KRR1: variants seen among roughly 807,000 people sequenced by gnomAD.
KRR1 encodes the protein KRR1 small subunit processome component homolog.
In KRR1, 23 loss-of-function variants were observed where a neutral mutation model predicts 50.0. The observed-to-expected ratio is 0.46, with a 90% confidence interval of 0.33 to 0.65. The LOEUF is 0.65. Among genes scored for constraint, KRR1 ranks in the 30% least tolerant of loss-of-function variants. KRR1 has a pLI of 0.02. For missense variants in KRR1, 419 were observed against 442.4 expected (o/e 0.95, Z 0.47); for synonymous variants, 133 against 146.3 (o/e 0.91, Z 0.66).
At position 75,491,292 on chromosome 12, in the gene KRR1, AT is replaced by A. The variant is rs1258712244; in HGVS notation, c.*8516del. On this transcript the variant is annotated 3_prime_UTR_variant, in exon 10 of 10. Transcript: ENST00000229214. ...TCCTATTACTACCCCTGTTTGGCAA[AT>A]GAGAACAGCAAGGCACACACGGGTC... is the stretch of plus-strand genomic sequence containing the variant. 5 of 152,208 alleles carry A rather than the reference AT, an allele frequency of 3.3e-5. No homozygotes were observed. Among genetic ancestry groups the A allele is most frequent in the African/African-American group, 1.2e-4 (5 of 41,456 alleles). 9.4% of individuals were successfully genotyped at this position (152,208 alleles called of 1,614,324 possible).
Position 75,499,870 on chromosome 12 carries a change from G to C in KRR1, c.1085C>G (p.Thr362Arg), listed in dbSNP as rs760760484. 6.2e-6 allele frequency: 10 copies of C among 1,608,690 alleles called. No homozygotes were observed. Among genetic ancestry groups the C allele is most frequent in the Non-Finnish European group, 1.7e-6 (2 of 1,177,648 alleles). Residue 362 changes from threonine to arginine, a missense_variant, in exon 10 of 10, where the codon ACA becomes AGA. By Grantham distance (71) the Thr-to-Arg change is moderately conservative. Transcript: ENST00000229214. ...KAKNKKLGALTAEEIALKMEA... is the reference protein window; with the variant it reads ...KAKNKKLGALRAEEIALKMEA... ...CATCTTAAGTGCAATTTCTTCAGCT[G>C]TAAGAGCTCCCAGTTTCTTATTCTT... is the stretch of plus-strand genomic sequence containing the variant.
Position 75,498,358 on chromosome 12 carries a change from T to G in KRR1, c.*1451A>C. The G allele has an allele frequency of 5.5e-6, 1 of 180,424 alleles. No individual in the cohort carries two copies. Among genetic ancestry groups the G allele is most frequent in the Non-Finnish European group, 1.1e-5 (1 of 87,078 alleles). 11.2% of individuals were successfully genotyped at this position (180,424 alleles called of 1,614,324 possible). On this transcript the variant is annotated 3_prime_UTR_variant, in exon 10 of 10. Coordinates refer to ENST00000229214, the MANE Select transcript of KRR1 (RefSeq NM_007043.7). Reference sequence around the variant, plus strand: ...TCAGGAAGAAACTTATTTTTAGAACTATATTTTAATAAATTTCTCACATTC... The same window carrying G: ...TCAGGAAGAAACTTATTTTTAGAACGATATTTTAATAAATTTCTCACATTC...
chr12:75,492,110 AG>A lies in KRR1; in HGVS notation c.*7698del, dbSNP rs1335519614. On this transcript the variant is annotated 3_prime_UTR_variant, in exon 10 of 10. Coordinates refer to ENST00000229214, the MANE Select transcript of KRR1 (RefSeq NM_007043.7). The stretch of plus-strand genomic sequence containing the variant: ...TGACTTTTTTTTTTTTTTTTGAGAC[AG>A]GGTCTCTCACTCTGTCACCCAGGCT... 1.4e-5 allele frequency: 2 copies of A among 147,358 alleles called. No individual in the cohort carries two copies. Among genetic ancestry groups the A allele is most frequent in the African/African-American group, 2.5e-5 (1 of 39,762 alleles). 9.1% of individuals were successfully genotyped at this position (147,358 alleles called of 1,614,324 possible). A position where few individuals can be genotyped will look rare whatever the true frequency, so the allele number is the denominator to read the frequency against.
Position 75,498,706 on chromosome 12 carries a change from G to A in KRR1, c.*1103C>T, listed in dbSNP as rs3736392. On this transcript the variant is annotated 3_prime_UTR_variant, in exon 10 of 10. Transcript: ENST00000229214. The stretch of plus-strand genomic sequence containing the variant: ...CCTAACTTTACAGTTAACCGACAGC[G>A]AGACCAAGTCAAACGTACGTACATC... The A allele has an allele frequency of 1.9e-4, 302 of 1,612,176 alleles. No homozygotes were observed. In the East Asian group the frequency reaches 3.9e-3, roughly 21 times the overall value.
rs755426650 is a variant in KRR1 at position 75,511,410 on chromosome 12, G to T, written c.85+103C>A. 2.9e-6 allele frequency: 3 copies of T among 1,037,340 alleles called. No homozygotes were observed. The African/African-American group carries it at 4.7e-5, about 16-fold the overall frequency. 64.3% of individuals were successfully genotyped at this position (1,037,340 alleles called of 1,614,324 possible). ...GATTATTCAGGTACTCAACTACACAGTACAGGCTCCAGGTGGTTTTATAAG... is the reference window on the plus strand; with the variant it reads ...GATTATTCAGGTACTCAACTACACATTACAGGCTCCAGGTGGTTTTATAAG... On this transcript the variant is annotated intron_variant, in intron 1 of 9. Coordinates refer to ENST00000229214, the MANE Select transcript of KRR1 (RefSeq NM_007043.7).
In KRR1 at chr12:75,495,990, T is replaced by C; in HGVS notation, c.*3819A>G. The C allele has an allele frequency of 5.8e-6, 1 of 173,706 alleles. No individual in the cohort carries two copies. The allele number at this position is 173,706 out of a possible 1,614,324, so 10.8% of individuals were successfully genotyped here. The stretch of plus-strand genomic sequence containing the variant: ...CAGGTCATCCAAACAAACAGAATTC[T>C]GTTTTCGTTTTTTTTTTTGTTTTTT... On this transcript the variant is annotated 3_prime_UTR_variant, in exon 10 of 10. Transcript: ENST00000229214.
intron 6 of KRR1, chr12:75,504,288 T>G (rs910605013): frequency 3.0e-6 from 1 of 334,788 alleles, no homozygotes; most frequent in African/African-American, 2.1e-5. Context: ...AAATGCAGAA[T>G]TGTTAAAATG....
At position 75,491,964 on chromosome 12, in the gene KRR1, G is replaced by A. The variant is rs1260929869; in HGVS notation, c.*7845C>T. ...TCTGACTGAGTGCTGTAGGTGTGAAGGAGGAGACAAAGCGTCATTCTGAAG... is the reference window on the plus strand; with the variant it reads ...TCTGACTGAGTGCTGTAGGTGTGAAAGAGGAGACAAAGCGTCATTCTGAAG... On this transcript the variant is annotated 3_prime_UTR_variant, in exon 10 of 10. Transcript: ENST00000229214. The A allele has an allele frequency of 2.0e-5, 3 of 152,250 alleles. No homozygotes were observed. The East Asian group carries it at 5.8e-4, about 29-fold the overall frequency. 9.4% of individuals were successfully genotyped at this position (152,250 alleles called of 1,614,324 possible).
At chr12:75,509,705 G>A (rs2046438105) in intron 1 of KRR1, among the ~76,000 whole-genome samples, 1 of 148,650 alleles carries the variant, frequency 6.7e-6, no homozygotes, top group Non-Finnish European at 1.5e-5. Flanking sequence ...CTATTCTCTT[G>A]CCTCAGCCTC....
Position 75,498,454 on chromosome 12 carries a change from T to C in KRR1, c.*1355A>G, listed in dbSNP as rs1179634766. 2.1e-5 allele frequency: 8 copies of C among 387,424 alleles called. No homozygotes were observed. The highest frequency in any genetic ancestry group is 3.7e-5 in the Non-Finnish European group (8 of 218,338). The allele number at this position is 387,424 out of a possible 1,614,324, so 24.0% of individuals were successfully genotyped here. ...GATGTGTAAAATGATTTTCCATTTA[T>C]AGTAATGGTATAGTTTCCTTTTTAT... On this transcript the variant is annotated 3_prime_UTR_variant, in exon 10 of 10. Coordinates refer to ENST00000229214, the MANE Select transcript of KRR1 (RefSeq NM_007043.7).
Position 75,501,971 on chromosome 12 carries a change from G to A in KRR1, c.861C>T (p.Tyr287=). The change falls in exon 8 of 10, where the codon TAC becomes TAT. Residue 287 remains tyrosine, a synonymous_variant. Transcript: ENST00000229214. The stretch of plus-strand genomic sequence containing the variant: ...GCTTCTTCTGATTTGCCTTCAAAAA[G>A]TATTCACCACTAGCCAATTCTTTAT... ...QIDKELASGE[Y]FLKANQKKRQ... 1.9e-6 allele frequency: 3 copies of A among 1,612,100 alleles called. No homozygotes were observed. The highest frequency in any genetic ancestry group is 2.5e-6 in the Non-Finnish European group (3 of 1,179,022).
In KRR1 at chr12:75,495,355, G is replaced by C. The variant is rs1157699093; in HGVS notation, c.*4454C>G. The stretch of plus-strand genomic sequence containing the variant: ...TCTCAGAGCTGTCACAATTAAATGG[G>C]ATGCAGATTAAAACAGGTGCATAGA... On this transcript the variant is annotated 3_prime_UTR_variant, in exon 10 of 10. Transcript: ENST00000229214. The C allele has an allele frequency of 7.1e-6, 3 of 419,918 alleles. No homozygotes were observed. The highest frequency in any genetic ancestry group is 1.3e-5 in the Non-Finnish European group (3 of 229,934). 26.0% of individuals were successfully genotyped at this position (419,918 alleles called of 1,614,324 possible).
At chr12:75,503,621 C>T (rs1011012261) in intron 7 of KRR1, 2 of 237,804 alleles carry the variant, frequency 8.4e-6, no homozygotes, top group South Asian at 1.6e-4. Flanking sequence ...AAGAGTATTG[C>T]AGACTAAACG....
Position 75,491,480 on chromosome 12 carries a change from T to C in KRR1, c.*8329A>G, listed in dbSNP as rs2046323537. ...AATATATGATGAACAACCTCATATATGTATCTTCAGTCACTTCTATTTCCC... is the reference window on the plus strand; with the variant it reads ...AATATATGATGAACAACCTCATATACGTATCTTCAGTCACTTCTATTTCCC... On this transcript the variant is annotated 3_prime_UTR_variant, in exon 10 of 10. Transcript: ENST00000229214. The C allele has an allele frequency of 6.6e-6, 1 of 152,248 alleles. No individual in the cohort carries two copies. Among genetic ancestry groups the C allele is most frequent in the African/African-American group, 2.4e-5 (1 of 41,468 alleles). The allele number at this position is 152,248 out of a possible 1,614,324, so 9.4% of individuals were successfully genotyped here. A position where few individuals can be genotyped will look rare whatever the true frequency, so the allele number is the denominator to read the frequency against.
chr12:75,501,694 A>G, intron 9 of KRR1, 29 bp downstream of exon 9: 1 of 1,417,514 alleles, frequency 7.1e-7, no homozygotes, highest in Non-Finnish European at 9.8e-7. Flanking sequence ...CCTAATTAAT[A>G]AAGACTTTTA....
At chr12:75,504,183 G>T in intron 6 of KRR1, 109 bp from the exon 7 acceptor site, 1 of 698,274 alleles carries the variant, frequency 1.4e-6, no homozygotes. Context: ...ACAGTTCCTA[G>T]TTTCTTTGGT....
intron 7 of KRR1, chr12:75,502,260 G>T: frequency 3.1e-6 from 1 of 317,706 alleles, no homozygotes; most frequent in Non-Finnish European, 5.8e-6. Flanking sequence ...TCAGAAAAGT[G>T]TGAGAAGAAA....
Position 75,494,295 on chromosome 12 carries a change from C to T in KRR1, c.*5514G>A, listed in dbSNP as rs1021527451. On this transcript the variant is annotated 3_prime_UTR_variant, in exon 10 of 10. Coordinates refer to ENST00000229214, the MANE Select transcript of KRR1 (RefSeq NM_007043.7). ...GAAAATAGTTTTATTTTTATTTTCA[C>T]TAACCTCTATTAAAAATAACATTTC... The T allele has an allele frequency of 6.6e-5, 10 of 152,148 alleles. No homozygotes were observed. Among genetic ancestry groups the T allele is most frequent in the Non-Finnish European group, 1.5e-4 (10 of 68,024 alleles). The allele number at this position is 152,148 out of a possible 1,614,324, so 9.4% of individuals were successfully genotyped here.
In KRR1 at chr12:75,506,559, A is replaced by G. The variant is rs2046422581; in HGVS notation, c.444T>C (p.Gly148=). 6.3e-7 allele frequency: 1 copy of G among 1,595,194 alleles called. No homozygotes were observed. Among genetic ancestry groups the G allele is most frequent in the South Asian group, 1.1e-5 (1 of 89,828 alleles). Residue 148 remains glycine, a synonymous_variant, in exon 4 of 10, where the codon GGT becomes GGC. Coordinates refer to ENST00000229214, the MANE Select transcript of KRR1 (RefSeq NM_007043.7). ...DDVACDIIKI[G]SLVRNKERFV... The stretch of plus-strand genomic sequence containing the variant: ...ATCTCTCTTTATTCCTTACTAAAGA[A>G]CCTATTTTAATGATGTCACATGCAA...
Sources: allele counts gnomAD v4.1 joint callset (sites outside exome capture counted in the v4.1 genomes callset), GRCh38; gene constraint gnomAD v4.1.1; transcripts MANE v1.5; gene names NCBI Gene and HGNC (gene_info 2026-07-23, HGNC 2026-07-21).